FRMD3: variants seen among roughly 807,000 people sequenced by gnomAD.
The protein encoded by FRMD3 is FERM domain-containing protein 3.
FRMD3 carries 33 observed loss-of-function variants against 70.2 expected under a neutral mutation model. The ratio of observed to expected loss-of-function variants is 0.47; its 90% confidence interval spans 0.36 to 0.63. The LOEUF is 0.63. Ranked by LOEUF, FRMD3 falls within the 20% of genes least tolerant of loss-of-function variation. The pLI is 0.00. For synonymous variants in FRMD3, 279 were observed against 255.9 expected, an observed-to-expected ratio of 1.09 and a Z score of -0.86; for missense variants, 632 against 711.4, an observed-to-expected ratio of 0.89 and a Z score of 1.27.
Position 83,389,770 on chromosome 9 carries a change from G to A in FRMD3, c.148-62C>T, listed in dbSNP as rs866216896. 6.7e-6 allele frequency: 8 copies of A among 1,185,326 alleles called. No homozygotes were observed. In the Middle Eastern group the frequency reaches 1.5e-3, roughly 225 times the overall value. 73.4% of individuals were successfully genotyped at this position (1,185,326 alleles called of 1,614,324 possible). On this transcript the variant is annotated intron_variant, in intron 1 of 13. Transcript: ENST00000304195. The stretch of plus-strand genomic sequence containing the variant: ...CACCTTGTGCATTCACGTCCTCAGG[G>A]AGCCTTGTTCACCACCATGGGTCTA...
chr9:83,397,041 T>C (rs560342579), intron 1 of FRMD3, among the ~76,000 whole-genome samples: 19 of 152,332 alleles, frequency 1.2e-4, no homozygotes, highest in African/African-American at 4.6e-4. Flanking sequence ...TGATCATGGC[T>C]GACTGATGAG....
intron 1 of FRMD3, among the ~76,000 whole-genome samples, chr9:83,491,147 T>C (rs1248175262): frequency 1.6e-4 from 24 of 152,154 alleles, no homozygotes; most frequent in Non-Finnish European, 2.9e-5. Flanking sequence ...CCTAGAACAC[T>C]TCCAGAAATG....
chr9:83,299,087 C>T (rs368454551), intron 11 of FRMD3, 25 bp downstream of exon 11: 13 of 1,545,308 alleles, frequency 8.4e-6, no homozygotes, highest in South Asian at 4.5e-5. Context: ...CACCCCCTCA[C>T]TGAAATGGAA....
chr9:83,544,474 C>T, the FRMD3 span, among the ~76,000 whole-genome samples: 5 of 152,270 alleles, frequency 3.3e-5, no homozygotes, highest in Non-Finnish European at 7.4e-5. Context: ...GTGTATTCCA[C>T]AGGCCAGATA....
chr9:83,351,650 T>G (rs1306818584), intron 3 of FRMD3, among the ~76,000 whole-genome samples: 3 of 151,688 alleles, frequency 2.0e-5, no homozygotes, highest in Non-Finnish European at 4.4e-5. Context: ...TTAATAGAGA[T>G]AGATAGAGAT....
At chr9:83,417,861 A>G (rs1826501024) in intron 1 of FRMD3, among the ~76,000 whole-genome samples, 1 of 152,220 alleles carries the variant, frequency 6.6e-6, no homozygotes, top group African/African-American at 2.4e-5. Flanking sequence ...GAAGGGTCAT[A>G]GTGTTCACAT....
intron 1 of FRMD3, among the ~76,000 whole-genome samples, chr9:83,519,020 C>A (rs577725181): frequency 8.5e-4 from 130 of 152,158 alleles, no homozygotes; most frequent in Non-Finnish European, 1.5e-3. Context: ...TAAATGTAAG[C>A]CCTAAAACCA....
intron 1 of FRMD3, among the ~76,000 whole-genome samples, chr9:83,468,238 T>C (rs575409184): frequency 7.9e-5 from 12 of 152,240 alleles, no homozygotes; most frequent in African/African-American, 1.2e-4. Flanking sequence ...TCAGAAACCA[T>C]TCCTTTCTTA....
upstream of FRMD3, among the ~76,000 whole-genome samples, chr9:83,541,901 C>A (rs948889166): frequency 6.6e-6 from 1 of 152,166 alleles, no homozygotes; most frequent in Non-Finnish European, 1.5e-5. Context: ...CAAATCTGAA[C>A]CTGTCCCCCA....
At chr9:83,551,921 A>AC in the FRMD3 span, among the ~76,000 whole-genome samples, 2 of 150,898 alleles carry the variant, frequency 1.3e-5, no homozygotes, top group Non-Finnish European at 3.0e-5. Flanking sequence ...AAAAAAAAAA[A>AC]CTCCTGGATT....
chr9:83,261,898 C>T (rs1833012493), intron 13 of FRMD3, among the ~76,000 whole-genome samples: 1 of 152,198 alleles, frequency 6.6e-6, no homozygotes, highest in Non-Finnish European at 1.5e-5. Context: ...GTTTCCTCAT[C>T]TGTAAAATGG....
chr9:83,392,014 C>G (rs1043525969), intron 1 of FRMD3, among the ~76,000 whole-genome samples: 3 of 152,054 alleles, frequency 2.0e-5, no homozygotes, highest in African/African-American at 7.2e-5. Context: ...AAGCATTGGT[C>G]CAGGAGGATT....
Position 83,507,494 on chromosome 9 carries a change from C to T in FRMD3, c.147+30591G>A, listed in dbSNP as rs547597076. On this transcript the variant is annotated intron_variant, in intron 1 of 13. Coordinates refer to ENST00000304195, the MANE Select transcript of FRMD3 (RefSeq NM_174938.6). ...CATCCTGGCTAACAAGGTGAAACCC[C>T]GTCTCTACTAAAAAATAAAGAAAAA... is the stretch of plus-strand genomic sequence containing the variant. 7.3e-5 allele frequency among the ~76,000 whole-genome samples: 11 copies of T among 149,928 alleles called. No homozygotes were observed. In the South Asian group the frequency reaches 1.7e-3, roughly 23 times the overall value.
chr9:83,309,692 T>C (rs1835278622), intron 9 of FRMD3, 68 bp from the exon 10 acceptor site: 1 of 962,712 alleles, frequency 1.0e-6, no homozygotes, highest in South Asian at 1.6e-5. Flanking sequence ...TGGGTTTTTT[T>C]TTTTCAGGTG....
chr9:83,313,578 G>A, intron 7 of FRMD3, 82 bp downstream of exon 7: 1 of 1,083,194 alleles, frequency 9.2e-7, no homozygotes. Flanking sequence ...ATTTAACAAG[G>A]CTCTGCCAGG....
intron 1 of FRMD3, among the ~76,000 whole-genome samples, chr9:83,456,286 G>C (rs894750638): frequency 2.0e-5 from 3 of 152,168 alleles, no homozygotes; most frequent in African/African-American, 7.2e-5. Flanking sequence ...TTGTATAGGT[G>C]TGCCATGCTT....
At chr9:83,539,857 C>T (rs1829977992), upstream of FRMD3, among the ~76,000 whole-genome samples, 1 of 152,186 alleles carries the variant, frequency 6.6e-6, no homozygotes, top group Non-Finnish European at 1.5e-5. Flanking sequence ...CAATAGCTGA[C>T]TATTGCTTAT....
chr9:83,516,990 G>C (rs368647610), intron 1 of FRMD3, among the ~76,000 whole-genome samples: 1 of 152,096 alleles, frequency 6.6e-6, no homozygotes, highest in Non-Finnish European at 1.5e-5. Flanking sequence ...GGGAAATTTA[G>C]AGCACTAGAT....
At chr9:83,358,672 G>GTATC (rs1554692406) in intron 3 of FRMD3, among the ~76,000 whole-genome samples, 1 of 142,966 alleles carries the variant, frequency 7.0e-6, no homozygotes, top group African/African-American at 2.6e-5. Context: ...ATATTCTTAA[G>GTATC]TATTTATTTA....
Sources: allele counts gnomAD v4.1 joint callset (sites outside exome capture counted in the v4.1 genomes callset), GRCh38; gene constraint gnomAD v4.1.1; transcripts MANE v1.5; gene names NCBI Gene and HGNC (gene_info 2026-07-23, HGNC 2026-07-21).